EDN1: variants seen among roughly 807,000 people sequenced by gnomAD.
The protein encoded by EDN1 is endothelin-1.
EDN1 carries 11 observed loss-of-function variants against 21.7 expected under a neutral mutation model. That is an observed-to-expected ratio of 0.51 (90% CI 0.32 to 0.84). EDN1 has a LOEUF of 0.84. Among genes scored for constraint, EDN1 ranks in the 40% least tolerant of loss-of-function variants. EDN1 has a pLI of 0.03. For synonymous variants in EDN1, 85 were observed against 90.6 expected (o/e 0.94, Z 0.35); for missense variants, 244 against 262.3 (o/e 0.93, Z 0.48).
chr6:12,266,479 C>A, the EDN1 span, among the ~76,000 whole-genome samples: 6 of 152,216 alleles, frequency 3.9e-5, no homozygotes, highest in Non-Finnish European at 8.8e-5. Flanking sequence ...TAATGGGGAT[C>A]CAGGCAGGAA....
chr6:12,292,690 C>T (rs984810253), intron 2 of EDN1, among the ~76,000 whole-genome samples, 181 bp downstream of exon 2: 18 of 152,086 alleles, frequency 1.2e-4, no homozygotes, highest in African/African-American at 3.4e-4. Flanking sequence ...TCTTAGCAAC[C>T]AAGGGGAGGG....
chr6:12,264,040 A>G, the EDN1 span, among the ~76,000 whole-genome samples: 32 of 152,348 alleles, frequency 2.1e-4, no homozygotes, highest in African/African-American at 7.7e-4. Context: ...TATCTGTAAT[A>G]CTCAAGGAGT....
upstream of EDN1, among the ~76,000 whole-genome samples, chr6:12,288,064 G>A (rs1260534056): frequency 6.6e-6 from 1 of 152,072 alleles, no homozygotes; most frequent in Non-Finnish European, 1.5e-5. Context: ...TGCAGGGGCA[G>A]CCTCAGCAAG....
chr6:12,284,208 A>T, the EDN1 span, among the ~76,000 whole-genome samples: 1 of 152,174 alleles, frequency 6.6e-6, no homozygotes, highest in African/African-American at 2.4e-5. Context: ...CTGAGTCCAG[A>T]TTTCTTACAT....
chr6:12,253,152 A>G, the EDN1 span, among the ~76,000 whole-genome samples: 1 of 152,254 alleles, frequency 6.6e-6, no homozygotes, highest in East Asian at 1.9e-4. Context: ...CAAGATTTTC[A>G]TAAAATGAAG....
intron 4 of EDN1, among the ~76,000 whole-genome samples, chr6:12,295,083 C>T (rs1199533900): frequency 6.6e-6 from 1 of 151,936 alleles, no homozygotes; most frequent in Non-Finnish European, 1.5e-5. Flanking sequence ...TGGTGATAAC[C>T]CTTCCAAATC....
upstream of EDN1, among the ~76,000 whole-genome samples, chr6:12,285,624 T>G (rs545337458): frequency 1.3e-5 from 2 of 152,280 alleles, no homozygotes; most frequent in Non-Finnish European, 2.9e-5. Flanking sequence ...CAGGCTGGAG[T>G]GCAGTGGCGC....
At chr6:12,264,554 T>A in the EDN1 span, among the ~76,000 whole-genome samples, 1 of 152,120 alleles carries the variant, frequency 6.6e-6, no homozygotes, top group Non-Finnish European at 1.5e-5. Context: ...TTGAGCCACA[T>A]AGGAAGAGGA....
the EDN1 span, among the ~76,000 whole-genome samples, chr6:12,258,710 A>G: frequency 6.6e-6 from 1 of 152,196 alleles, no homozygotes; most frequent in Non-Finnish European, 1.5e-5. Context: ...CAAGGCTAGC[A>G]GTTTAAAACA....
Position 12,292,415 on chromosome 6 carries a change from C to G in EDN1, c.139C>G (p.Leu47Val). 6.2e-7 allele frequency: 1 copy of G among 1,614,156 alleles called. No homozygotes were observed. ...EKPTPSPPWRLRRSKRCSCSS... is the reference protein window; with the variant it reads ...EKPTPSPPWRVRRSKRCSCSS... ...ACCCACTCCCAGTCCACCCTGGCGG[C>G]TCCGCCGGTCCAAGCGCTGCTCCTG... Residue 47 changes from leucine (L) to valine (V), a missense_variant, in exon 2 of 5, where the codon CTC (leucine) becomes GTC (valine). Leu to Val is a conservative substitution (Grantham distance 32). Transcript: ENST00000379375.
At chr6:12,293,592 T>G (rs1762745727) in intron 2 of EDN1, among the ~76,000 whole-genome samples, 1 of 152,264 alleles carries the variant, frequency 6.6e-6, no homozygotes, top group Admixed American at 6.5e-5. Flanking sequence ...GTTAACTAAA[T>G]AGACCATTAG....
At chr6:12,237,922 C>T in the EDN1 span, among the ~76,000 whole-genome samples, 1,168 of 152,258 alleles carry the variant, frequency 7.7e-3, 22 homozygotes, top group African/African-American at 0.027. Flanking sequence ...GTAATCCCAC[C>T]ACTTTGGGAG....
the EDN1 span, among the ~76,000 whole-genome samples, chr6:12,274,182 C>A: frequency 7.2e-5 from 11 of 152,246 alleles, no homozygotes; most frequent in Non-Finnish European, 1.3e-4. Context: ...ATTTACTAGG[C>A]CAGCTAAAAC....
upstream of EDN1, among the ~76,000 whole-genome samples, chr6:12,289,946 C>T (rs1762630984): frequency 6.6e-6 from 1 of 152,076 alleles, no homozygotes; most frequent in Non-Finnish European, 1.5e-5. Flanking sequence ...AAGCGAGCAA[C>T]AATTAAAAAA....
the EDN1 span, among the ~76,000 whole-genome samples, chr6:12,280,997 T>A: frequency 6.6e-6 from 1 of 152,264 alleles, no homozygotes; most frequent in African/African-American, 2.4e-5. Context: ...CAATTTTTTC[T>A]TTTTAAGATA....
At chr6:12,237,501 A>G in the EDN1 span, among the ~76,000 whole-genome samples, 26 of 152,156 alleles carry the variant, frequency 1.7e-4, no homozygotes, top group Non-Finnish European at 3.7e-4. Context: ...CTTGCATGAG[A>G]AAACATATTG....
At chr6:12,259,517 G>A in the EDN1 span, among the ~76,000 whole-genome samples, 1 of 151,612 alleles carries the variant, frequency 6.6e-6, no homozygotes, top group Non-Finnish European at 1.5e-5. Flanking sequence ...ACAAACTCCT[G>A]GTCAGATTTC....
rs201943749 is a variant in EDN1 at position 12,290,633 on chromosome 6, G to T, written c.4G>T (p.Asp2Tyr). Reference sequence around the variant, plus strand: ...TTTTTGATCCCTTTTTTTCAGAATGGATTATTTGCTCATGATTTTCTCTCT... The same window carrying T: ...TTTTTGATCCCTTTTTTTCAGAATGTATTATTTGCTCATGATTTTCTCTCT... Reference protein sequence around the residue: MDYLLMIFSLLF... With the variant: MYYLLMIFSLLF... The change falls in exon 1 of 5, where the codon GAT (aspartate) becomes TAT (tyrosine). Residue 2 changes from aspartate (D) to tyrosine (Y), a missense_variant. Physicochemically the swap from Asp to Tyr is radical, Grantham distance 160 (BLOSUM62 -3). Coordinates refer to ENST00000379375, the MANE Select transcript of EDN1 (RefSeq NM_001955.5). 1 of 1,614,154 alleles carries T rather than the reference G, an allele frequency of 6.2e-7. No homozygotes were observed. The highest frequency in any genetic ancestry group is 1.1e-5 in the South Asian group (1 of 91,078).
chr6:12,230,523 G>A, the EDN1 span, among the ~76,000 whole-genome samples: 2,309 of 152,232 alleles, frequency 0.015, 67 homozygotes, highest in African/African-American at 0.053. Flanking sequence ...ACCAGGCAGC[G>A]CTGTGCTCAG....
Sources: gnomAD v4.1 joint callset for allele counts (sites outside exome capture counted in the v4.1 genomes callset) on GRCh38, gnomAD v4.1.1 for gene constraint, MANE v1.5 for transcripts, NCBI Gene and HGNC (gene_info 2026-07-23, HGNC 2026-07-21) for gene names.